Variants in MPP4 observed in about 807,000 individuals in gnomAD.
The protein encoded by MPP4 is MAGUK p55 scaffold protein 4, also known as MAGUK p55 subfamily member 4.
A neutral mutation model predicts 98.3 loss-of-function variants in MPP4; 91 were observed. The ratio of observed to expected loss-of-function variants is 0.93; its 90% confidence interval spans 0.78 to 1.10. The LOEUF (loss-of-function observed/expected upper bound fraction) is 1.10. Ranked by LOEUF, MPP4 falls within the 50% of genes least tolerant of loss-of-function variation. The probability of loss-of-function intolerance (pLI) is 0.00; values close to 1 mark genes in which losing one functional copy is unlikely to be tolerated. For synonymous variants in MPP4, 261 were observed against 271.8 expected, an observed-to-expected ratio of 0.96 and a Z score of 0.39; for missense variants, 744 against 792.9, an observed-to-expected ratio of 0.94 and a Z score of 0.74.
intron 18 of MPP4, chr2:201,650,644 G>C (rs1024288512): frequency 2.0e-6 from 2 of 985,258 alleles, no homozygotes; most frequent in South Asian, 4.7e-5. Context: ...ACATTCATAA[G>C]ACTGATGAAA....
chr2:201,694,608 CT>C (rs777556505), intron 1 of MPP4, among the ~76,000 whole-genome samples: 115 of 78,882 alleles, frequency 1.5e-3, no homozygotes, highest in South Asian at 2.2e-3. Flanking sequence ...TTCTTTTTCC[CT>C]TTTTTTTTTT....
intron 10 of MPP4, among the ~76,000 whole-genome samples, chr2:201,677,895 C>T (rs539217061): frequency 2.6e-5 from 4 of 152,298 alleles, no homozygotes; most frequent in South Asian, 4.2e-4. Flanking sequence ...TCAGCCCGCG[C>T]TCGGGGCAGG....
At chr2:201,660,421 C>G in intron 14 of MPP4, 75 bp from the exon 15 acceptor site, 1 of 1,530,440 alleles carries the variant, frequency 6.5e-7, no homozygotes, top group Non-Finnish European at 9.1e-7. Context: ...GCCATCAAAT[C>G]AAGGCAAATG....
chr2:201,668,477 CCTCTCT>C (rs1553493948), intron 12 of MPP4, among the ~76,000 whole-genome samples: 1 of 146,832 alleles, frequency 6.8e-6, no homozygotes, highest in Non-Finnish European at 1.5e-5. Flanking sequence ...CTCTTCTCTT[CCTCTCT>C]CTCTCTCTCT....
chr2:201,684,311 A>G (rs535835583), intron 7 of MPP4, among the ~76,000 whole-genome samples: 4 of 152,180 alleles, frequency 2.6e-5, no homozygotes, highest in Non-Finnish European at 5.9e-5. Context: ...GCATTTCAAG[A>G]TGGGAAAGAG....
At chr2:201,656,934 C>T (rs1025464725) in intron 16 of MPP4, among the ~76,000 whole-genome samples, 10 of 152,104 alleles carry the variant, frequency 6.6e-5, no homozygotes, top group African/African-American at 2.2e-4. Flanking sequence ...AGCTGCAGGG[C>T]GGTAAGCAAC....
In MPP4 at chr2:201,686,035, G is replaced by A; in HGVS notation, c.376C>T (p.His126Tyr). 6.2e-7 allele frequency: 1 copy of A among 1,611,914 alleles called. No homozygotes were observed. Among genetic ancestry groups the A allele is most frequent in the Non-Finnish European group, 8.5e-7 (1 of 1,178,246 alleles). ...APHFKALLSA[H>Y]DTIAQKDFEP... ...AAATCTTTCTGAGCTATCGTGTCATGGGCACTGAGCAAGGCCTGGGCACAG... is the reference window on the plus strand; with the variant it reads ...AAATCTTTCTGAGCTATCGTGTCATAGGCACTGAGCAAGGCCTGGGCACAG... Residue 126 changes from histidine to tyrosine, a missense_variant, in exon 6 of 22, where the codon CAT (histidine) becomes TAT (tyrosine). His to Tyr is a moderately conservative substitution (Grantham distance 83). Transcript: ENST00000409474.
intron 4 of MPP4, 144 bp from the exon 5 acceptor site, chr2:201,687,515 A>G (rs1208469294): frequency 2.3e-5 from 14 of 615,642 alleles, no homozygotes; most frequent in Non-Finnish European, 3.9e-5. Context: ...TCATCTATAA[A>G]GCCATCCATT....
intron 13 of MPP4, chr2:201,666,100 C>T (rs1688167625): frequency 2.6e-6 from 1 of 381,508 alleles, no homozygotes; most frequent in African/African-American, 2.1e-5. Context: ...AGATCATTTA[C>T]AAAGCACTGC....
At chr2:201,646,055 C>T (rs1012581530) in intron 21 of MPP4, among the ~76,000 whole-genome samples, 1 of 152,098 alleles carries the variant, frequency 6.6e-6, no homozygotes, top group Non-Finnish European at 1.5e-5. Context: ...AACTACAAAA[C>T]TTATGTTTTA....
chr2:201,687,670 C>A (rs531530101), intron 4 of MPP4, among the ~76,000 whole-genome samples: 2 of 152,250 alleles, frequency 1.3e-5, no homozygotes, highest in Non-Finnish European at 2.9e-5. Context: ...GCATATGAAC[C>A]AAGGCACTTT....
rs369042537 is a variant in MPP4 at position 201,681,013 on chromosome 2, C to T, written c.754G>A (p.Glu252Lys). The T allele has an allele frequency of 6.2e-7, 1 of 1,613,574 alleles. No individual in the cohort carries two copies. The highest frequency in any genetic ancestry group is 8.5e-7 in the Non-Finnish European group (1 of 1,179,754). The change falls in exon 10 of 22, where the codon GAG becomes AAG. Residue 252 changes from glutamate to lysine, a missense_variant. Transcript: ENST00000409474. ...TCGGGATCCTCCTGGGGCCAGTACTCAGTCATGGCACGGACGTACACCTGA... is the reference window on the plus strand; with the variant it reads ...TCGGGATCCTCCTGGGGCCAGTACTTAGTCATGGCACGGACGTACACCTGA... Reference protein sequence around the residue: ...QQMVYVRAMTEYWPQEDPDIP... With the variant: ...QQMVYVRAMTKYWPQEDPDIP...
At chr2:201,659,728 G>T (rs1687970681) in intron 15 of MPP4, among the ~76,000 whole-genome samples, 1 of 152,200 alleles carries the variant, frequency 6.6e-6, no homozygotes, top group Non-Finnish European at 1.5e-5. Flanking sequence ...CAGCTACTTG[G>T]GAGGCTGAGG....
chr2:201,688,514 G>A (rs561703099), intron 4 of MPP4, among the ~76,000 whole-genome samples: 21 of 152,206 alleles, frequency 1.4e-4, no homozygotes, highest in African/African-American at 5.1e-4. Flanking sequence ...AGGAGATGAG[G>A]GACAGATCAG....
chr2:201,666,815 G>A (rs1296380612), intron 12 of MPP4: 1 of 151,964 alleles, frequency 6.6e-6, no homozygotes, highest in Non-Finnish European at 1.5e-5. Flanking sequence ...AATAAAATTA[G>A]GTATGTCAAT....
intron 10 of MPP4, 85 bp from the exon 11 acceptor site, chr2:201,675,356 C>T (rs1189595332): frequency 2.3e-6 from 3 of 1,311,466 alleles, no homozygotes; most frequent in Non-Finnish European, 2.1e-6. Context: ...AGAGCAACGA[C>T]AAACAGAATG....
Position 201,685,975 on chromosome 2 carries a change from G to A in MPP4, c.436C>T (p.Pro146Ser). The A allele has an allele frequency of 1.2e-6, 2 of 1,612,956 alleles. No homozygotes were observed. The highest frequency in any genetic ancestry group is 1.7e-6 in the Non-Finnish European group (2 of 1,179,088). Residue 146 changes from proline to serine, a missense_variant, in exon 6 of 22, where the codon CCT becomes TCT. Physicochemically the swap from Pro to Ser is moderately conservative, Grantham distance 74. Transcript: ENST00000409474. The part of the protein sequence containing the change: ...PLLPPLPDNI[P>S]ESEEAMRIVC... ...ATCCTCATTGCTTCCTCACTCTCAG[G>A]GATATTGTCTGGCAGTGGAGGGAGA...
intron 11 of MPP4, among the ~76,000 whole-genome samples, chr2:201,672,888 A>G (rs1459488643): frequency 6.6e-6 from 1 of 152,202 alleles, no homozygotes; most frequent in East Asian, 1.9e-4. Flanking sequence ...TCATCCTGAT[A>G]CCATCAACCT....
chr2:201,685,058 G>T lies in MPP4; in HGVS notation c.574+6C>A, dbSNP rs372723717. ...GTAACTCTCAATCCCAGCTGCTCCA[G>T]CTTACCACTTCTCTCCGCCAGCCCA... On this transcript the variant is annotated splice_donor_region_variant and intron_variant, in intron 7 of 21. Transcript: ENST00000409474. 1.8e-4 allele frequency: 295 copies of T among 1,609,940 alleles called. No homozygotes were observed. Among genetic ancestry groups the T allele is most frequent in the Admixed American group, 1.8e-4 (11 of 59,680 alleles).
Sources: gnomAD v4.1 joint callset for allele counts (sites outside exome capture counted in the v4.1 genomes callset) on GRCh38, gnomAD v4.1.1 for gene constraint, MANE v1.5 for transcripts, NCBI Gene and HGNC (gene_info 2026-07-23, HGNC 2026-07-21) for gene names.